The following FCHSD2 variants were observed in gnomAD, a reference collection of about 807,000 sequenced individuals.
FCHSD2 encodes F-BAR and double SH3 domains protein 2.
A neutral mutation model predicts 108.1 loss-of-function variants in FCHSD2; 38 were observed. The ratio of observed to expected loss-of-function variants is 0.35; its 90% CI spans 0.27 to 0.46. FCHSD2 has a LOEUF of 0.46. FCHSD2 is among the 20% of genes least tolerant of loss of function. The probability of loss-of-function intolerance (pLI) is 1.00; values close to 1 mark genes in which losing one functional copy is unlikely to be tolerated. For missense variants in FCHSD2, 751 were observed against 897.8 expected (o/e 0.84, Z 2.09); for synonymous variants, 279 against 314.7 (o/e 0.89, Z 1.20).
At chr11:73,131,889 T>C (rs1861012245) in intron 2 of FCHSD2, among the ~76,000 whole-genome samples, 1 of 152,132 alleles carries the variant, frequency 6.6e-6, no homozygotes, top group South Asian at 2.1e-4. Context: ...ATATGCATAA[T>C]AAAAAAAGAT....
At chr11:73,140,351 A>G (rs1453747540) in intron 1 of FCHSD2, among the ~76,000 whole-genome samples, 1 of 152,204 alleles carries the variant, frequency 6.6e-6, no homozygotes, top group Non-Finnish European at 1.5e-5. Context: ...ACGACTATAA[A>G]TATTACAAAC....
chr11:72,844,487 C>T (rs1861064541), intron 14 of FCHSD2, among the ~76,000 whole-genome samples: 1 of 152,122 alleles, frequency 6.6e-6, no homozygotes, highest in African/African-American at 2.4e-5. Context: ...TTTTATTATC[C>T]CTGACAGCAG....
At chr11:72,846,918 TC>T (rs746671914) in intron 14 of FCHSD2, among the ~76,000 whole-genome samples, 7 of 152,192 alleles carry the variant, frequency 4.6e-5, no homozygotes, top group Non-Finnish European at 8.8e-5. Flanking sequence ...TCAGTAAGTT[TC>T]ATAATATTAT....
At chr11:73,099,651 C>A (rs992460812) in intron 2 of FCHSD2, among the ~76,000 whole-genome samples, 1 of 152,344 alleles carries the variant, frequency 6.6e-6, no homozygotes, top group South Asian at 2.1e-4. Context: ...CGCCCAGGCA[C>A]CCCTGAGCAG....
At chr11:72,958,991 ATATGTGTGTG>A (rs1399556530) in intron 8 of FCHSD2, among the ~76,000 whole-genome samples, 1 of 41,660 alleles carries the variant, frequency 2.4e-5, no homozygotes, top group Admixed American at 3.7e-4. Context: ...CATCAGTAAG[ATATGTGTGTG>A]TGTGTGTGTG....
intron 9 of FCHSD2, among the ~76,000 whole-genome samples, chr11:72,919,946 A>T (rs1855946972): frequency 6.6e-6 from 1 of 152,216 alleles, no homozygotes; most frequent in African/African-American, 2.4e-5. Flanking sequence ...GGAGAAAAAA[A>T]TAGATATAAA....
rs548973502 is a variant in FCHSD2 at position 73,072,993 on chromosome 11, G to GCC, written c.165+10700_165+10701dup. On this transcript the variant is annotated intron_variant, in intron 3 of 19. Transcript: ENST00000409418. ...TGTGTTTGTCTTTAAGCAAGGAGCC[G>GCC]CCCTTAAAGTCCACAATGTTTTCCT... 3.9e-5 allele frequency among the ~76,000 whole-genome samples: 6 copies of GCC among 152,290 alleles called. No individual in the cohort carries two copies. The South Asian group carries it at 1.2e-3, about 32-fold the overall frequency.
chr11:72,870,691 G>A lies in FCHSD2; in HGVS notation c.1147-2665C>T, dbSNP rs868614183. Among the ~76,000 whole-genome samples the A allele has an allele frequency of 1.3e-5, 2 of 151,914 alleles. 1 individual carries two copies. The highest frequency in any genetic ancestry group is 6.9e-3 in the Middle Eastern group (2 of 290). On this transcript the variant is annotated intron_variant, in intron 12 of 19. Transcript: ENST00000409418. The stretch of plus-strand genomic sequence containing the variant: ...CGAGGGGGGCAGATCACGAGGTCAG[G>A]AGATCGATACCATCCTGGTTAACAC...
At chr11:72,969,617 T>A (rs1475894957) in intron 8 of FCHSD2, among the ~76,000 whole-genome samples, 1 of 152,114 alleles carries the variant, frequency 6.6e-6, no homozygotes, top group Non-Finnish European at 1.5e-5. Flanking sequence ...TAAAAAACAT[T>A]AAAAGACTAG....
chr11:72,972,914 A>G (rs575419409), intron 8 of FCHSD2, among the ~76,000 whole-genome samples: 1 of 152,358 alleles, frequency 6.6e-6, no homozygotes, highest in African/African-American at 2.4e-5. Context: ...AAGGATTGTA[A>G]GCTGGCACTC....
At chr11:73,005,876 G>GT (rs1250571188) in intron 4 of FCHSD2, among the ~76,000 whole-genome samples, 1 of 147,182 alleles carries the variant, frequency 6.8e-6, no homozygotes, top group African/African-American at 2.5e-5. Context: ...GCTTTAAAGA[G>GT]TATCAATATC....
chr11:72,959,853 G>GGTGTGTGTGTGAGTGT (rs1856789815), intron 8 of FCHSD2, among the ~76,000 whole-genome samples: 1 of 145,810 alleles, frequency 6.9e-6, no homozygotes. Flanking sequence ...AAGTTTCTAG[G>GGTGTGTGTGTGAGTGT]GTGTGTGTGT....
At chr11:73,066,036 T>C (rs149596681) in intron 3 of FCHSD2, among the ~76,000 whole-genome samples, 3,736 of 152,226 alleles carry the variant, frequency 0.025, 146 homozygotes, top group African/African-American at 0.086. Context: ...AAAAAGAGCC[T>C]GCATTGCCAA....
intron 3 of FCHSD2, among the ~76,000 whole-genome samples, chr11:73,022,942 C>T (rs1182881917): frequency 6.6e-6 from 1 of 152,066 alleles, no homozygotes; most frequent in Non-Finnish European, 1.5e-5. Context: ...TCAATGGAGA[C>T]AGGATAGTCT....
In FCHSD2 at chr11:72,909,477, C is replaced by T. The variant is rs549721036; in HGVS notation, c.829-6839G>A. Reference sequence around the variant, plus strand: ...GCCACCCCATCTAGGAAGTGAGGAGCGTCTCTGCCTGGCCGCCCATCATCT... The same window carrying T: ...GCCACCCCATCTAGGAAGTGAGGAGTGTCTCTGCCTGGCCGCCCATCATCT... On this transcript the variant is annotated intron_variant, in intron 9 of 19. Transcript: ENST00000409418. 1.8e-4 allele frequency among the ~76,000 whole-genome samples: 27 copies of T among 152,070 alleles called. No individual in the cohort carries two copies. In the East Asian group the frequency reaches 4.7e-3, roughly 26 times the overall value.
chr11:72,983,933 C>T (rs1319463531), intron 8 of FCHSD2, 155 bp downstream of exon 8: 1 of 716,354 alleles, frequency 1.4e-6, no homozygotes, highest in Non-Finnish European at 2.5e-6. Flanking sequence ...TTATCTGAAA[C>T]AGATGCTATC....
intron 8 of FCHSD2, among the ~76,000 whole-genome samples, chr11:72,979,881 G>GT (rs1857179294): frequency 6.6e-6 from 1 of 152,166 alleles, no homozygotes; most frequent in African/African-American, 2.4e-5. Context: ...TTAGAAGAAT[G>GT]TAACTCAAAA....
chr11:73,099,741 A>C (rs1040694596), intron 2 of FCHSD2, among the ~76,000 whole-genome samples: 1 of 152,188 alleles, frequency 6.6e-6, no homozygotes, highest in Non-Finnish European at 1.5e-5. Context: ...AGCCGGACCA[A>C]AAAGGCTGTT....
At chr11:73,048,348 T>C (rs571766372) in intron 3 of FCHSD2, among the ~76,000 whole-genome samples, 3 of 152,218 alleles carry the variant, frequency 2.0e-5, no homozygotes, top group Non-Finnish European at 4.4e-5. Context: ...TAGTACTGGC[T>C]TGTTATTTAC....
Sources: allele counts gnomAD v4.1 joint callset (sites outside exome capture counted in the v4.1 genomes callset), GRCh38; gene constraint gnomAD v4.1.1; transcripts MANE v1.5; gene names NCBI Gene and HGNC (gene_info 2026-07-23, HGNC 2026-07-21).